The following TMEM245 variants were observed in gnomAD, a reference collection of about 807,000 sequenced individuals.
TMEM245 encodes transmembrane protein 245.
Under a neutral mutation model 101.2 loss-of-function variants are expected in TMEM245, and 69 were observed. The observed-to-expected ratio is 0.68, with a 90% confidence interval of 0.56 to 0.83. The LOEUF (loss-of-function observed/expected upper bound fraction) is 0.83. Among genes scored for constraint, TMEM245 ranks in the 40% least tolerant of loss-of-function variants. The pLI, the probability that TMEM245 is intolerant of heterozygous loss-of-function variation, is 0.00. For missense variants in TMEM245, 1,075 were observed against 1,092.8 expected, an observed-to-expected ratio of 0.98 and a Z score of 0.23; for synonymous variants, 537 against 449.8, an observed-to-expected ratio of 1.19 and a Z score of -2.45.
At chr9:109,053,298 A>C (rs1828739713) in intron 12 of TMEM245, among the ~76,000 whole-genome samples, 2 of 152,132 alleles carry the variant, frequency 1.3e-5, no homozygotes, top group African/African-American at 4.8e-5. Context: ...GTGGTGGTGC[A>C]TGCCTGTAAT....
At chr9:109,108,657 C>T (rs1336042724) in intron 1 of TMEM245, 87 bp from the exon 2 acceptor site, 5 of 934,162 alleles carry the variant, frequency 5.4e-6, no homozygotes, top group Non-Finnish European at 8.2e-6. Context: ...GTCTATACAG[C>T]AGGAATGCTC....
intron 3 of TMEM245, among the ~76,000 whole-genome samples, chr9:109,102,104 C>T (rs543245793): frequency 7.2e-5 from 11 of 152,250 alleles, no homozygotes; most frequent in African/African-American, 2.6e-4. Flanking sequence ...ATAAAACTAA[C>T]CAGAAAAACA....
chr9:109,092,343 A>G (rs577713246), intron 4 of TMEM245, among the ~76,000 whole-genome samples: 26 of 152,336 alleles, frequency 1.7e-4, no homozygotes, highest in African/African-American at 5.0e-4. Flanking sequence ...TTTTAATGTT[A>G]AAAGTTCAGC....
intron 17 of TMEM245, among the ~76,000 whole-genome samples, chr9:109,021,123 C>T (rs1827608749): frequency 6.6e-6 from 1 of 152,154 alleles, no homozygotes; most frequent in Admixed American, 6.5e-5. Context: ...GGCTGAGCAC[C>T]GTGCCTGACT....
chr9:109,044,623 G>A (rs563549013), intron 14 of TMEM245, among the ~76,000 whole-genome samples: 8 of 152,246 alleles, frequency 5.3e-5, no homozygotes, highest in African/African-American at 1.7e-4. Context: ...ACAATAACCA[G>A]TGGGAAAAGT....
At chr9:109,092,869 G>C (rs1830045127) in intron 4 of TMEM245, among the ~76,000 whole-genome samples, 1 of 152,170 alleles carries the variant, frequency 6.6e-6, no homozygotes, top group African/African-American at 2.4e-5. Flanking sequence ...AGGACAACGA[G>C]TCCAAAACAA....
chr9:109,066,827 G>A (rs575079107), intron 9 of TMEM245, among the ~76,000 whole-genome samples: 17 of 151,962 alleles, frequency 1.1e-4, no homozygotes, highest in African/African-American at 2.4e-4. Flanking sequence ...AGGCCGAGGC[G>A]GGTGGATCAC....
intron 12 of TMEM245, among the ~76,000 whole-genome samples, chr9:109,051,295 AACACACACACACACAC>A (rs67093439): frequency 8.1e-5 from 11 of 135,152 alleles, no homozygotes; most frequent in South Asian, 2.5e-4. Context: ...TCTGTCTCAA[AACACACACACACACAC>A]ACACACACAC....
rs376961293 is a variant in TMEM245 at position 109,033,342 on chromosome 9, C to T, written c.2559G>A (p.Thr853=). 9.9e-6 allele frequency: 16 copies of T among 1,612,584 alleles called. No individual in the cohort carries two copies. The highest frequency in any genetic ancestry group is 4.0e-5 in the African/African-American group (3 of 74,860). The change falls in exon 17 of 18, where the codon ACG becomes ACA. Residue 853 remains threonine (T), a synonymous_variant. Transcript: ENST00000374586. ...MLVSPTNSVP[T]PNQTPWPAQP... ...GAGCAGGCCATGGGGTCTGGTTTGG[C>T]GTGGGAACTGAATTCGTGGGACTCA...
At chr9:109,067,405 A>G (rs958500413) in intron 9 of TMEM245, among the ~76,000 whole-genome samples, 2 of 152,134 alleles carry the variant, frequency 1.3e-5, no homozygotes, top group African/African-American at 4.8e-5. Flanking sequence ...TACTCACTCA[A>G]GAGGGATCCC....
intron 8 of TMEM245, among the ~76,000 whole-genome samples, chr9:109,080,113 T>C (rs1829625265): frequency 6.6e-6 from 1 of 152,040 alleles, no homozygotes; most frequent in Non-Finnish European, 1.5e-5. Flanking sequence ...CATGTCTCTA[T>C]GGGAACTAAA....
At chr9:109,032,513 T>C (rs1326653901) in intron 17 of TMEM245, among the ~76,000 whole-genome samples, 4 of 149,330 alleles carry the variant, frequency 2.7e-5, no homozygotes, top group Admixed American at 6.7e-5. Flanking sequence ...GCCTCCCGAG[T>C]AGCTGGGATT....
chr9:109,104,369 T>A (rs1259638347), intron 3 of TMEM245, among the ~76,000 whole-genome samples: 1 of 151,890 alleles, frequency 6.6e-6, no homozygotes. Flanking sequence ...CACTAAAAAA[T>A]TAAAGAGTAA....
At chr9:109,095,250 G>A (rs1830108617) in intron 3 of TMEM245, among the ~76,000 whole-genome samples, 1 of 152,224 alleles carries the variant, frequency 6.6e-6, no homozygotes, top group Admixed American at 6.5e-5. Flanking sequence ...AGGGCTGACA[G>A]AGAAAAACAG....
intron 7 of TMEM245, among the ~76,000 whole-genome samples, chr9:109,082,574 TAAATA>T (rs1268756073): frequency 6.6e-6 from 1 of 152,040 alleles, no homozygotes; most frequent in African/African-American, 2.4e-5. Context: ...TAAGCAAGCA[TAAATA>T]AAATAATTTC....
intron 3 of TMEM245, among the ~76,000 whole-genome samples, chr9:109,100,207 T>C (rs1830248634): frequency 6.6e-6 from 1 of 152,190 alleles, no homozygotes; most frequent in African/African-American, 2.4e-5. Flanking sequence ...CTACAACTGA[T>C]GCAAGAAGGA....
At position 109,085,804 on chromosome 9, in the gene TMEM245, G is replaced by C. The variant is rs575622472; in HGVS notation, c.1344+193C>G. On this transcript the variant is annotated intron_variant, in intron 7 of 17. Transcript: ENST00000374586. The stretch of plus-strand genomic sequence containing the variant: ...GCAAGGAGATACCATCCATATCCTA[G>C]ACAGCCTTTGCTGAGTTTTTACCAA... 5.6e-4 allele frequency among the ~76,000 whole-genome samples: 85 copies of C among 152,326 alleles called. 1 individual carries two copies. The Middle Eastern group carries it at 0.02, about 37-fold the overall frequency.
At chr9:109,062,887 T>C (rs994628141) in intron 10 of TMEM245, among the ~76,000 whole-genome samples, 20 of 151,934 alleles carry the variant, frequency 1.3e-4, no homozygotes, top group East Asian at 7.8e-4. Context: ...GTAGGATCAC[T>C]TGAGCCTAGG....
intron 9 of TMEM245, among the ~76,000 whole-genome samples, chr9:109,070,915 C>A (rs1291010042): frequency 6.6e-6 from 1 of 152,020 alleles, no homozygotes; most frequent in Non-Finnish European, 1.5e-5. Context: ...ATAGTCTTAC[C>A]CTATCATCCA....
Sources: allele counts gnomAD v4.1 joint callset (sites outside exome capture counted in the v4.1 genomes callset), GRCh38; gene constraint gnomAD v4.1.1; transcripts MANE v1.5; gene names NCBI Gene and HGNC (gene_info 2026-07-23, HGNC 2026-07-21).